DIAPH2: variants seen among roughly 807,000 people sequenced by gnomAD.
The protein encoded by DIAPH2 is protein diaphanous homolog 2.
DIAPH2 carries 35 observed loss-of-function variants against 92.7 expected under a neutral mutation model. The observed-to-expected ratio is 0.38, with a 90% confidence interval of 0.29 to 0.50. The LOEUF (loss-of-function observed/expected upper bound fraction) is 0.50. DIAPH2 is among the 20% of genes least tolerant of loss of function. DIAPH2 has a pLI of 0.94. For synonymous variants in DIAPH2, 301 were observed against 280.4 expected, an observed-to-expected ratio of 1.07 and a Z score of -0.73; for missense variants, 701 against 819.5, an observed-to-expected ratio of 0.86 and a Z score of 1.77.
chrX:97,133,381 G>A (rs5966997), intron 21 of DIAPH2, among the ~76,000 whole-genome samples: 3,017 of 110,678 alleles, frequency 0.027, 100 homozygotes, highest in African/African-American at 0.089. Context: ...TCCACCTCCC[G>A]GGTTCAAGTG....
At chrX:97,450,910 G>A (rs2070353520) in intron 26 of DIAPH2, among the ~76,000 whole-genome samples, 2 of 105,144 alleles carry the variant, frequency 1.9e-5, no homozygotes, top group African/African-American at 6.9e-5. Context: ...AAAGGAAGAA[G>A]GGAAGATTTG....
At chrX:97,036,317 G>A (rs1220017188) in intron 17 of DIAPH2, among the ~76,000 whole-genome samples, 1 of 111,770 alleles carries the variant, frequency 8.9e-6, no homozygotes, top group Non-Finnish European at 1.9e-5. Flanking sequence ...ACATTTTTAT[G>A]TGCTTCCTGT....
intron 24 of DIAPH2, among the ~76,000 whole-genome samples, chrX:97,355,207 G>C (rs1310626796): frequency 1.8e-5 from 2 of 111,439 alleles, no homozygotes; most frequent in Non-Finnish European, 3.8e-5. Context: ...TAATTGGAAA[G>C]TCAATGAGTA....
At chrX:97,324,034 G>T (rs1301779033) in intron 23 of DIAPH2, among the ~76,000 whole-genome samples, 1 of 110,508 alleles carries the variant, frequency 9.0e-6, no homozygotes, top group Non-Finnish European at 1.9e-5. Flanking sequence ...GATCTAATTT[G>T]ACTCTGATAA....
chrX:97,066,279 A>G (rs747640036), intron 17 of DIAPH2, among the ~76,000 whole-genome samples: 1 of 112,046 alleles, frequency 8.9e-6, no homozygotes, highest in Non-Finnish European at 1.9e-5. Flanking sequence ...TTTATATCAT[A>G]ATTTTACTGT....
At chrX:96,868,542 T>G (rs1389395701) in intron 4 of DIAPH2, among the ~76,000 whole-genome samples, 1 of 111,554 alleles carries the variant, frequency 9.0e-6, no homozygotes, top group Non-Finnish European at 1.9e-5. Context: ...CTACCTTTGG[T>G]GAACAGTTTT....
At chrX:97,384,954 G>A (rs1217688817) in intron 25 of DIAPH2, among the ~76,000 whole-genome samples, 1 of 110,759 alleles carries the variant, frequency 9.0e-6, no homozygotes, top group Non-Finnish European at 1.9e-5. Context: ...TGAGTTGTTT[G>A]GTTTGGTTGG....
chrX:97,335,229 G>C (rs939512324), intron 23 of DIAPH2, among the ~76,000 whole-genome samples: 1 of 110,989 alleles, frequency 9.0e-6, no homozygotes, highest in Non-Finnish European at 1.9e-5. Context: ...CTGCTTCCTT[G>C]TAAGAGTTCA....
intron 23 of DIAPH2, among the ~76,000 whole-genome samples, chrX:97,266,899 G>C (rs757087259): frequency 9.0e-6 from 1 of 111,385 alleles, no homozygotes; most frequent in Non-Finnish European, 1.9e-5. Context: ...TCAAAACAGG[G>C]TACATGAAAT....
chrX:97,004,219 T>C (rs1279525920), intron 17 of DIAPH2, among the ~76,000 whole-genome samples: 1 of 111,580 alleles, frequency 9.0e-6, no homozygotes, highest in Non-Finnish European at 1.9e-5. Context: ...AGTCAGGTAA[T>C]ATGATTCTTC....
chrX:97,217,178 C>G (rs2067890264), intron 22 of DIAPH2, among the ~76,000 whole-genome samples: 1 of 111,825 alleles, frequency 8.9e-6, no homozygotes, highest in African/African-American at 3.2e-5. Context: ...CCATTACCTT[C>G]CCTGTGCCAC....
chrX:96,793,650 T>G (rs773419315), intron 4 of DIAPH2: 1 of 371,868 alleles, frequency 2.7e-6, no homozygotes, highest in Non-Finnish European at 5.2e-6. Flanking sequence ...AGCTTTGGTG[T>G]TTCTTCCTCT....
chrX:96,875,161 G>T (rs2065169990), intron 4 of DIAPH2, among the ~76,000 whole-genome samples: 1 of 112,112 alleles, frequency 8.9e-6, no homozygotes, highest in African/African-American at 3.2e-5. Context: ...CTTGAGTCTT[G>T]TCCCCAAAAT....
intron 21 of DIAPH2, among the ~76,000 whole-genome samples, chrX:97,116,059 A>ATTTGGTTAGTT (rs2067014407): frequency 8.9e-6 from 1 of 111,969 alleles, no homozygotes; most frequent in African/African-American, 3.2e-5. Flanking sequence ...ATATTGCAGA[A>ATTTGGTTAGTT]CTTTGGTTAG....
intron 26 of DIAPH2, among the ~76,000 whole-genome samples, chrX:97,555,153 A>G (rs149209514): frequency 2.7e-5 from 3 of 110,281 alleles, no homozygotes; most frequent in African/African-American, 9.9e-5. Context: ...TAGTGTCTGC[A>G]TCATTAATAT....
At chrX:97,372,242 C>T (rs144122095) in intron 24 of DIAPH2, among the ~76,000 whole-genome samples, 1,360 of 111,948 alleles carry the variant, frequency 0.012, 20 homozygotes, top group African/African-American at 0.041. Flanking sequence ...CCTTCATTAT[C>T]GGTGCATGAC....
intron 23 of DIAPH2, among the ~76,000 whole-genome samples, chrX:97,296,740 C>G (rs2068646329): frequency 9.0e-6 from 1 of 110,999 alleles, no homozygotes; most frequent in South Asian, 3.7e-4. Context: ...GAATTTGTAG[C>G]CTGGCCAGCT....
chrX:96,910,351 C>G (rs780028018), intron 5 of DIAPH2, among the ~76,000 whole-genome samples: 15 of 111,044 alleles, frequency 1.4e-4, no homozygotes, highest in African/African-American at 4.9e-4. Context: ...GAAATTAAAG[C>G]AGAATTTGTT....
At chrX:97,020,473 G>GT (rs2066290430) in intron 17 of DIAPH2, among the ~76,000 whole-genome samples, 1 of 112,037 alleles carries the variant, frequency 8.9e-6, no homozygotes, top group African/African-American at 3.2e-5. Context: ...TAAATACTAT[G>GT]TTTTTTTCAA....
Sources: allele counts gnomAD v4.1 joint callset (sites outside exome capture counted in the v4.1 genomes callset), GRCh38; gene constraint gnomAD v4.1.1; transcripts MANE v1.5; gene names NCBI Gene and HGNC (gene_info 2026-07-23, HGNC 2026-07-21).